The following ABCA3 variants were observed in gnomAD, a reference collection of about 807,000 sequenced individuals.
ABCA3 encodes the protein ATP binding cassette subfamily A member 3.
A neutral mutation model predicts 172.8 loss-of-function variants in ABCA3; 88 were observed. The observed-to-expected ratio is 0.51, with a 90% CI of 0.43 to 0.61. ABCA3 has a LOEUF of 0.61. Among genes scored for constraint, ABCA3 ranks in the 20% least tolerant of loss-of-function variants. The pLI is 0.00. For synonymous variants in ABCA3, 1,066 were observed against 983.8 expected, an observed-to-expected ratio of 1.08 and a Z score of -1.56; for missense variants, 2,164 against 2,301.0, an observed-to-expected ratio of 0.94 and a Z score of 1.22.
intron 1 of ABCA3, chr16:2,332,580 G>C (rs1596871225): frequency 7.1e-7 from 1 of 1,406,840 alleles, no homozygotes; most frequent in African/African-American, 1.4e-5. Flanking sequence ...GCTCCTTGCT[G>C]AGAAGCAAAA....
Position 2,319,714 on chromosome 16 carries a change from T to C in ABCA3, c.740A>G (p.Tyr247Cys). The C allele has an allele frequency of 6.2e-7, 1 of 1,608,428 alleles. No homozygotes were observed. The highest frequency in any genetic ancestry group is 8.5e-7 in the Non-Finnish European group (1 of 1,178,962). ...RLTVTIKRFP[Y>C]PPFIADPFLV... ...GAAGGGGTCTGCGATGAACGGCGGG[T>C]ACGGGAACCTCTTGATGGTCACCGT... Residue 247 changes from tyrosine (Y) to cysteine (C), a missense_variant, in exon 8 of 33, where the codon TAC becomes TGC. By Grantham distance (194) the Tyr-to-Cys change is radical. Coordinates refer to ENST00000301732, the MANE Select transcript of ABCA3 (RefSeq NM_001089.3).
chr16:2,311,374 G>A (rs1287874087), intron 10 of ABCA3, among the ~76,000 whole-genome samples: 1 of 152,210 alleles, frequency 6.6e-6, no homozygotes, highest in Admixed American at 6.5e-5. Flanking sequence ...GGTTTTTACA[G>A]ATATCTGTGG....
At chr16:2,299,249 G>C (rs2093685078) in intron 14 of ABCA3, among the ~76,000 whole-genome samples, 154 bp downstream of exon 14, 2 of 152,142 alleles carry the variant, frequency 1.3e-5, no homozygotes, top group Admixed American at 1.3e-4. Flanking sequence ...GTCCCTGCTT[G>C]TGCCCCTGGG....
At chr16:2,298,661 A>G in intron 14 of ABCA3, 121 bp from the exon 15 acceptor site, 1 of 1,242,442 alleles carries the variant, frequency 8.0e-7, no homozygotes, top group Non-Finnish European at 1.1e-6. Flanking sequence ...TGCCCATGAG[A>G]GGGCACGGAA....
intron 11 of ABCA3, among the ~76,000 whole-genome samples, chr16:2,307,840 C>T (rs538869843): frequency 4.6e-5 from 7 of 152,084 alleles, no homozygotes; most frequent in Non-Finnish European, 7.4e-5. Flanking sequence ...CTCCTGACCT[C>T]GTGATCCACC....
rs1406645010 is a variant in ABCA3 at position 2,299,385 on chromosome 16, G to C, written c.1741+18C>G. ...GGGGGCCTGCTGGTGGCAGGGGCGT[G>C]AGGCGCCTGGCCCTCACCTGTGAGC... is the stretch of plus-strand genomic sequence containing the variant. On this transcript the variant is annotated intron_variant, in intron 14 of 32. Coordinates refer to ENST00000301732, the MANE Select transcript of ABCA3 (RefSeq NM_001089.3). 6.2e-7 allele frequency: 1 copy of C among 1,612,914 alleles called. No individual in the cohort carries two copies. The highest frequency in any genetic ancestry group is 1.3e-5 in the African/African-American group (1 of 74,910).
chr16:2,319,356 G>A (rs1054541851), intron 8 of ABCA3, among the ~76,000 whole-genome samples: 1 of 151,966 alleles, frequency 6.6e-6, no homozygotes, highest in Non-Finnish European at 1.5e-5. Flanking sequence ...GTGGTGGCAG[G>A]CACCTATAGT....
intron 10 of ABCA3, among the ~76,000 whole-genome samples, chr16:2,314,918 G>GC (rs1371847906): frequency 1.0e-5 from 1 of 97,476 alleles, no homozygotes; most frequent in Non-Finnish European, 1.9e-5. Context: ...TTGCTCTGTT[G>GC]CCAGGCTGGA....
chr16:2,310,678 G>C (rs761818019), intron 10 of ABCA3, among the ~76,000 whole-genome samples: 22 of 151,720 alleles, frequency 1.5e-4, no homozygotes, highest in South Asian at 4.2e-4. Flanking sequence ...CACCGGGCCA[G>C]GCTAATGTTT....
chr16:2,304,100 C>T lies in ABCA3; in HGVS notation c.1336G>A (p.Asp446Asn), dbSNP rs200803298. The change falls in exon 12 of 33, where the codon GAC (aspartate) becomes AAC (asparagine). Residue 446 changes from aspartate to asparagine, a missense_variant. This residue lies in a region of ABCA3 where 1,343 missense variants were observed against 1,369.6 expected (regional missense o/e 0.98). Transcript: ENST00000301732. ...CCCAGCACCTGCCCGAAGCAGAAGT[C>T]GTCGTCCACGTTGACGGGACTCAGG... ...DLLSPVNVDDDFCFGQVLGML... is the reference protein window; with the variant it reads ...DLLSPVNVDDNFCFGQVLGML... The T allele has an allele frequency of 2.7e-5, 44 of 1,614,060 alleles. No individual in the cohort carries two copies. The highest frequency in any genetic ancestry group is 5.5e-5 in the South Asian group (5 of 91,088).
At position 2,319,578 on chromosome 16, in the gene ABCA3, C is replaced by T; in HGVS notation, c.873+3G>A. On this transcript the variant is annotated splice_donor_region_variant and intron_variant, in intron 8 of 32. Transcript: ENST00000301732. ...GTGTTGGGGAGCCAAAGCGGGCAGT[C>T]ACCTTCAGCCTCCTTTCCTTCTCCT... The T allele has an allele frequency of 6.2e-7, 1 of 1,610,716 alleles. No individual in the cohort carries two copies. The highest frequency in any genetic ancestry group is 8.5e-7 in the Non-Finnish European group (1 of 1,179,898).
intron 5 of ABCA3, among the ~76,000 whole-genome samples, chr16:2,325,048 G>A (rs1361787768): frequency 6.6e-6 from 1 of 152,148 alleles, no homozygotes; most frequent in Non-Finnish European, 1.5e-5. Context: ...AAGCCCGGGA[G>A]GTAAATGCCC....
In ABCA3 at chr16:2,278,368, G is replaced by A; in HGVS notation, c.4638C>T (p.Asp1546=). The change falls in exon 30 of 33, where the codon GAC becomes GAT. Residue 1546 remains aspartate, a synonymous_variant. Transcript: ENST00000301732. This position sits in a 1 kb window ranked among gnomAD's most constrained non-coding sequence, Gnocchi z 4.4. The stretch of plus-strand genomic sequence containing the variant: ...CCCAAAGCAGGCGCCGGGCCACGGG[G>A]TCCATGCCAGTGGACGGCTCGTCCA... ...IFLDEPSTGM[D]PVARRLLWDT... 1 of 1,612,532 alleles carries A rather than the reference G, an allele frequency of 6.2e-7. No individual in the cohort carries two copies. The highest frequency in any genetic ancestry group is 8.5e-7 in the Non-Finnish European group (1 of 1,180,016).
rs1043545920 is a variant in ABCA3, at chr16:2,297,864, T to C, written c.1954A>G (p.Ile652Val). Residue 652 changes from isoleucine (I) to valine (V), a missense_variant, in exon 16 of 33, where the codon ATC (isoleucine) becomes GTC (valine). This residue lies in a region of ABCA3 where 1,343 missense variants were observed against 1,369.6 expected (regional missense o/e 0.98). Coordinates refer to ENST00000301732, the MANE Select transcript of ABCA3 (RefSeq NM_001089.3). This position sits in a 1 kb window ranked among gnomAD's most constrained non-coding sequence, Gnocchi z 5.6. ...PEEVKQMLHI[I>V]GLEDKWNSRS... ...GAGTTCCACTTGTCCTCCAGGCCGA[T>C]GATGTGCAGCATCTGCTTGACTTCT... 5.0e-6 allele frequency: 8 copies of C among 1,613,848 alleles called. No homozygotes were observed. The highest frequency in any genetic ancestry group is 3.3e-5 in the Admixed American group (2 of 60,028).
intron 7 of ABCA3, among the ~76,000 whole-genome samples, chr16:2,322,795 T>C (rs1233418409): frequency 6.6e-6 from 1 of 151,898 alleles, no homozygotes; most frequent in Non-Finnish European, 1.5e-5. Context: ...AAAGCCAAAA[T>C]TGACAAATGG....
intron 19 of ABCA3, among the ~76,000 whole-genome samples, chr16:2,291,321 G>T (rs981260523): frequency 1.3e-5 from 2 of 151,716 alleles, no homozygotes; most frequent in African/African-American, 4.8e-5. Context: ...GTGAGACTCT[G>T]TCTCAAAAAA....
Position 2,287,530 on chromosome 16 carries a change from G to A in ABCA3, c.3004+496C>T, listed in dbSNP as rs1361406557. Among the ~76,000 whole-genome samples the A allele has an allele frequency of 1.3e-5, 2 of 152,086 alleles. No homozygotes were observed. Among genetic ancestry groups the A allele is most frequent in the Non-Finnish European group, 2.9e-5 (2 of 68,012 alleles). ...TGACCTCAAGTGATCCACCTGCCTC[G>A]GCCTCCCAAAGTAGTGGGATGACAG... On this transcript the variant is annotated intron_variant, in intron 21 of 32. Transcript: ENST00000301732. The surrounding 1 kb of genome is among the most constrained non-coding windows in gnomAD (Gnocchi z 4.1).
Position 2,276,696 on chromosome 16 carries a change from G to A in ABCA3, c.5093C>T (p.Pro1698Leu), listed in dbSNP as rs779988905. 2.5e-6 allele frequency: 4 copies of A among 1,613,486 alleles called. No individual in the cohort carries two copies. The highest frequency in any genetic ancestry group is 1.7e-5 in the Admixed American group (1 of 60,014). ...VFLSFAHLQP[P>L]TAEEGR ...CCCTCATCGCCCCTCCTCTGCGGTG[G>A]GCGGCTGCAGGTGGGCGAAGCTCAG... is the stretch of plus-strand genomic sequence containing the variant. Residue 1698 changes from proline to leucine, a missense_variant, in exon 33 of 33, where the codon CCC becomes CTC. By Grantham distance (98) the Pro-to-Leu change is moderately conservative. Around this residue, in one of 3 missense-constraint regions of ABCA3, gnomAD observed 795 missense variants for 881.9 expected, o/e 0.90. Coordinates refer to ENST00000301732, the MANE Select transcript of ABCA3 (RefSeq NM_001089.3).
intron 1 of ABCA3, among the ~76,000 whole-genome samples, chr16:2,337,981 C>G (rs767996687): frequency 1.3e-5 from 2 of 152,234 alleles, no homozygotes; most frequent in Non-Finnish European, 2.9e-5. Context: ...GCTATCGGGA[C>G]AGACTTCCAC....
Sources: allele counts gnomAD v4.1 joint callset (sites outside exome capture counted in the v4.1 genomes callset), GRCh38; gene constraint gnomAD v4.1.1; regional missense constraint gnomAD v4.1.1; non-coding constraint Gnocchi (gnomAD v3.1); transcripts MANE v1.5; gene names NCBI Gene and HGNC (gene_info 2026-07-23, HGNC 2026-07-21).